The following DNAAF9 variants were observed in gnomAD, a reference collection of about 807,000 sequenced individuals.
DNAAF9 encodes the protein dynein axonemal assembly factor 9.
In DNAAF9, 90 loss-of-function variants were observed where a neutral mutation model predicts 167.0. That is an observed-to-expected ratio of 0.54 (90% confidence interval 0.45 to 0.64). The LOEUF is 0.64. DNAAF9 is among the 30% of genes least tolerant of loss of function. The probability of loss-of-function intolerance (pLI) is 0.00; values close to 1 mark genes in which losing one functional copy is unlikely to be tolerated. For missense variants in DNAAF9, 1,315 were observed against 1,442.2 expected, an observed-to-expected ratio of 0.91 and a Z score of 1.43; for synonymous variants, 491 against 508.8, an observed-to-expected ratio of 0.96 and a Z score of 0.47.
chr20:3,273,032 T>C (rs1467229688), intron 29 of DNAAF9, among the ~76,000 whole-genome samples: 1 of 152,168 alleles, frequency 6.6e-6, no homozygotes, highest in African/African-American at 2.4e-5. Flanking sequence ...AGTTTCTCCA[T>C]GTTGGTCAGG....
intron 12 of DNAAF9, among the ~76,000 whole-genome samples, chr20:3,329,805 C>T (rs6051752): frequency 0.25 from 37,819 of 151,910 alleles, 5,242 homozygotes; most frequent in African/African-American, 0.37. Context: ...ACAATGCTTT[C>T]TGGAATTTAA....
In DNAAF9 at chr20:3,326,264, T is replaced by G; in HGVS notation, c.1121A>C (p.Tyr374Ser). 1 of 1,613,042 alleles carries G rather than the reference T, an allele frequency of 6.2e-7. No homozygotes were observed. Residue 374 changes from tyrosine to serine, a missense_variant, in exon 13 of 37, where the codon TAT (tyrosine) becomes TCT (serine). Coordinates refer to ENST00000252032, the MANE Select transcript of DNAAF9 (RefSeq NM_001009984.3). ...TEQIRLLSQI[Y>S]AAVIEAVLAG... is the part of the protein sequence containing the mutation. ...CAAAACAGCCTCAATAACAGCAGCA[T>G]ATATCTGGGACAATAGCCTACTTTA...
At chr20:3,287,879 T>C in intron 26 of DNAAF9, 89 bp from the exon 27 acceptor site, 3 of 1,175,850 alleles carry the variant, frequency 2.6e-6, no homozygotes, top group South Asian at 2.7e-5. Context: ...TGACCATGAG[T>C]CCTAAAGCCA....
At position 3,298,143 on chromosome 20, in the gene DNAAF9, T is replaced by C; in HGVS notation, c.1815A>G (p.Ile605Met). Residue 605 changes from isoleucine to methionine, a missense_variant, in exon 22 of 37, where the codon ATA becomes ATG. Ile to Met is a conservative substitution (Grantham distance 10). Transcript: ENST00000252032. ...DSTSTVAALL[I>M]DFKSSLLPHL... Reference sequence around the variant, plus strand: ...GAGGAAGCAATGAGCTTTTGAAGTCTATGAGAAGAGCAGCAACAGTACTGG... The same window carrying C: ...GAGGAAGCAATGAGCTTTTGAAGTCCATGAGAAGAGCAGCAACAGTACTGG... The C allele has an allele frequency of 6.2e-7, 1 of 1,613,918 alleles. No individual in the cohort carries two copies. The highest frequency in any genetic ancestry group is 8.5e-7 in the Non-Finnish European group (1 of 1,179,812).
At chr20:3,338,738 C>T (rs1008604416) in intron 10 of DNAAF9, among the ~76,000 whole-genome samples, 1 of 151,046 alleles carries the variant, frequency 6.6e-6, no homozygotes, top group Admixed American at 6.6e-5. Flanking sequence ...CTGCAACCTC[C>T]GCCTCCTGGG....
chr20:3,375,171 A>T (rs370813095), intron 4 of DNAAF9, 45 bp from the exon 5 acceptor site: 18 of 1,134,454 alleles, frequency 1.6e-5, no homozygotes, highest in Non-Finnish European at 6.7e-6. Flanking sequence ...ATGAGATATC[A>T]CACAAATTCC....
Position 3,315,176 on chromosome 20 carries a change from T to C in DNAAF9, c.1591-56A>G, listed in dbSNP as rs768695130. 3.2e-5 allele frequency: 33 copies of C among 1,047,166 alleles called. No individual in the cohort carries two copies. Among genetic ancestry groups the C allele is most frequent in the Non-Finnish European group, 4.8e-5 (32 of 666,022 alleles). 64.9% of individuals were successfully genotyped at this position (1,047,166 alleles called of 1,614,324 possible). ...AAAAAAGAATAGGTGATTTATAGCATAAATATTCACAGAATCAAAAGTCCT... is the reference window on the plus strand; with the variant it reads ...AAAAAAGAATAGGTGATTTATAGCACAAATATTCACAGAATCAAAAGTCCT... On this transcript the variant is annotated intron_variant, in intron 19 of 36. Transcript: ENST00000252032. The surrounding 1 kb of genome is among the most constrained non-coding windows in gnomAD (Gnocchi z 4.1).
intron 26 of DNAAF9, among the ~76,000 whole-genome samples, chr20:3,289,453 A>G (rs907530758): frequency 6.6e-6 from 1 of 151,866 alleles, no homozygotes; most frequent in African/African-American, 2.4e-5. Flanking sequence ...TCTAAAAACA[A>G]AACAGAAAAC....
chr20:3,274,823 A>G, intron 29 of DNAAF9, among the ~76,000 whole-genome samples: 1 of 152,212 alleles, frequency 6.6e-6, no homozygotes, highest in East Asian at 1.9e-4. Flanking sequence ...GGTCTTGGCC[A>G]TATCAACCAC....
chr20:3,271,982 C>T (rs2068602519), intron 29 of DNAAF9, among the ~76,000 whole-genome samples: 1 of 152,034 alleles, frequency 6.6e-6, no homozygotes, highest in African/African-American at 2.4e-5. Context: ...GAATGAACTC[C>T]CATCACCTGG....
chr20:3,383,675 C>T (rs1275057383), intron 1 of DNAAF9, among the ~76,000 whole-genome samples: 2 of 151,930 alleles, frequency 1.3e-5, no homozygotes, highest in African/African-American at 4.8e-5. Context: ...TGAAGCCAGG[C>T]ATCATCCCCA....
chr20:3,308,516 G>A (rs1433627630), intron 20 of DNAAF9, among the ~76,000 whole-genome samples: 1 of 151,498 alleles, frequency 6.6e-6, no homozygotes, highest in East Asian at 2.0e-4. Flanking sequence ...GCTAATTTTT[G>A]TATTTTTAGT....
At chr20:3,340,447 C>A in intron 10 of DNAAF9, 57 bp downstream of exon 10, 1 of 366,986 alleles carries the variant, frequency 2.7e-6, no homozygotes, top group East Asian at 8.0e-5. Context: ...CCCACCCACC[C>A]CACCCCCACA....
chr20:3,259,977 G>T lies in DNAAF9; in HGVS notation c.2925C>A (p.Ile975=), dbSNP rs1409980347. 1.2e-6 allele frequency: 2 copies of T among 1,613,142 alleles called. No homozygotes were observed. The highest frequency in any genetic ancestry group is 2.2e-5 in the South Asian group (2 of 91,072). The change falls in exon 32 of 37, where the codon ATC becomes ATA. Residue 975 remains isoleucine (I), a synonymous_variant. Transcript: ENST00000252032. ...AGSVYPLMVQ[I]CVWFGRPLEK... ...CCAAGGGACGGCCAAACCATACGCA[G>T]ATCTGAACCATTAGGGGATAGACTG...
At chr20:3,362,991 G>A (rs1327087682) in intron 6 of DNAAF9, among the ~76,000 whole-genome samples, 1 of 152,160 alleles carries the variant, frequency 6.6e-6, no homozygotes, top group Non-Finnish European at 1.5e-5. Flanking sequence ...CAATTTGGGA[G>A]GCCGAGGCGG....
At chr20:3,296,710 C>G in intron 23 of DNAAF9, 151 bp downstream of exon 23, 1 of 648,558 alleles carries the variant, frequency 1.5e-6, no homozygotes, top group Non-Finnish European at 2.8e-6. Flanking sequence ...CCCAAGGGCA[C>G]CGGCTACCTG....
chr20:3,256,047 C>T lies in DNAAF9; in HGVS notation c.3220G>A (p.Glu1074Lys). The change falls in exon 34 of 37, where the codon GAA (glutamate) becomes AAA (lysine). Residue 1074 changes from glutamate to lysine, a missense_variant. Coordinates refer to ENST00000252032, the MANE Select transcript of DNAAF9 (RefSeq NM_001009984.3). Reference protein sequence around the residue: ...YLVFIGCSLKEDSIKDWLRQS... With the variant: ...YLVFIGCSLKKDSIKDWLRQS... ...CGCAGCCAGTCCTTGATGCTGTCTT[C>T]CTTCAGGGAGCAGCCGATGAACACA... The T allele has an allele frequency of 6.2e-7, 1 of 1,613,938 alleles. No homozygotes were observed. The highest frequency in any genetic ancestry group is 1.1e-5 in the South Asian group (1 of 91,064).
chr20:3,266,882 C>T (rs1473285710), intron 30 of DNAAF9, among the ~76,000 whole-genome samples: 11 of 135,340 alleles, frequency 8.1e-5, no homozygotes, highest in East Asian at 4.5e-4. Context: ...GATGGAGTTT[C>T]GCTCTTGTTG....
intron 16 of DNAAF9, among the ~76,000 whole-genome samples, chr20:3,321,848 CT>C (rs2069621718): frequency 6.6e-6 from 1 of 152,212 alleles, no homozygotes; most frequent in African/African-American, 2.4e-5. Context: ...AAAGATGCCA[CT>C]GAAAAACTTA....
Sources: gnomAD v4.1 joint callset for allele counts (sites outside exome capture counted in the v4.1 genomes callset) on GRCh38, gnomAD v4.1.1 for gene constraint, Gnocchi (gnomAD v3.1) non-coding constraint, MANE v1.5 for transcripts, NCBI Gene and HGNC (gene_info 2026-07-23, HGNC 2026-07-21) for gene names.